Variants in CDK17 observed in about 807,000 individuals in gnomAD.
CDK17 encodes cyclin-dependent kinase 17.
Under a neutral mutation model 77.6 loss-of-function variants are expected in CDK17, and 24 were observed. The observed-to-expected ratio is 0.31, with a 90% CI of 0.22 to 0.44. The LOEUF is 0.44. Ranked by LOEUF, CDK17 falls within the 20% of genes least tolerant of loss-of-function variation. The pLI, the probability that CDK17 is intolerant of heterozygous loss-of-function variation, is 1.00. For missense variants in CDK17, 429 were observed against 622.5 expected (o/e 0.69, Z 3.31); for synonymous variants, 203 against 210.4 (o/e 0.96, Z 0.30).
chr12:96,280,432 A>G, intron 16 of CDK17, 153 bp from the exon 17 acceptor site: 4 of 1,436,786 alleles, frequency 2.8e-6, no homozygotes, highest in Non-Finnish European at 2.7e-6. Context: ...CCTTCTGTTG[A>G]CGGGGTCAGT....
At chr12:96,386,431 T>C (rs902453514) in intron 1 of CDK17, among the ~76,000 whole-genome samples, 1 of 152,136 alleles carries the variant, frequency 6.6e-6, no homozygotes, top group African/African-American at 2.4e-5. Flanking sequence ...GGAGGATCAC[T>C]TGAGCCCAGA....
intron 1 of CDK17, among the ~76,000 whole-genome samples, chr12:96,356,359 G>A (rs4762297): frequency 0.22 from 32,849 of 152,152 alleles, 4,439 homozygotes; most frequent in Middle Eastern, 0.32. Flanking sequence ...GCAGTAACGG[G>A]ATCATGGCTC....
chr12:96,394,369 G>A (rs1310653354), intron 1 of CDK17, among the ~76,000 whole-genome samples: 1 of 152,070 alleles, frequency 6.6e-6, no homozygotes, highest in East Asian at 1.9e-4. Flanking sequence ...GACTTGAGAA[G>A]GCCAAAGTTA....
intron 1 of CDK17, among the ~76,000 whole-genome samples, chr12:96,398,816 G>C (rs1954212231): frequency 6.6e-6 from 1 of 152,186 alleles, no homozygotes; most frequent in Non-Finnish European, 1.5e-5. Context: ...AGGACCTGAT[G>C]TCAATTTGAC....
chr12:96,280,232 G>A lies in CDK17; in HGVS notation c.*10C>T, dbSNP rs1285661639. Reference sequence around the variant, plus strand: ...GGCTGGGGGCTGGGCTTGAAACCATGTTATCAGACTTAAAAGAGCATGCTC... The same window carrying A: ...GGCTGGGGGCTGGGCTTGAAACCATATTATCAGACTTAAAAGAGCATGCTC... On this transcript the variant is annotated 3_prime_UTR_variant, in exon 17 of 17. Transcript: ENST00000261211. The A allele has an allele frequency of 1.3e-6, 2 of 1,550,374 alleles. No individual in the cohort carries two copies. The highest frequency in any genetic ancestry group is 1.4e-5 in the African/African-American group (1 of 73,062).
chr12:96,379,388 A>G (rs1565843424), intron 1 of CDK17, among the ~76,000 whole-genome samples: 1 of 152,194 alleles, frequency 6.6e-6, no homozygotes, highest in Admixed American at 6.5e-5. Flanking sequence ...TGATATTTAT[A>G]GTTAAACAAA....
rs570082974 is a variant in CDK17 at position 96,342,336 on chromosome 12, C to G, written c.-29-7471G>C. The stretch of plus-strand genomic sequence containing the variant: ...GCTAATCATACAGAATGAGGAATAA[C>G]CAGTGTTTAAAACTTAAACTTTTTT... On this transcript the variant is annotated intron_variant, in intron 1 of 16. Coordinates refer to ENST00000261211, the MANE Select transcript of CDK17 (RefSeq NM_002595.5). Among the ~76,000 whole-genome samples the G allele has an allele frequency of 4.6e-5, 7 of 152,330 alleles. No homozygotes were observed. The South Asian group carries it at 1.4e-3, about 32-fold the overall frequency.
chr12:96,336,606 T>A (rs1385843523), intron 1 of CDK17, among the ~76,000 whole-genome samples: 1 of 152,236 alleles, frequency 6.6e-6, no homozygotes, highest in Admixed American at 6.5e-5. Flanking sequence ...ATAAGAGACA[T>A]ACTTTGGTGA....
At chr12:96,390,082 C>G (rs1001931539) in intron 1 of CDK17, among the ~76,000 whole-genome samples, 1 of 151,918 alleles carries the variant, frequency 6.6e-6, no homozygotes, top group Non-Finnish European at 1.5e-5. Flanking sequence ...CCTGCCTCAG[C>G]CTCCCAAAGT....
chr12:96,324,346 A>G (rs908281243), intron 2 of CDK17, among the ~76,000 whole-genome samples: 8 of 152,362 alleles, frequency 5.3e-5, no homozygotes, highest in African/African-American at 1.9e-4. Flanking sequence ...TTATATAATC[A>G]AAAGTGGCTA....
At chr12:96,381,590 T>A (rs1372870289) in intron 1 of CDK17, among the ~76,000 whole-genome samples, 1 of 152,086 alleles carries the variant, frequency 6.6e-6, no homozygotes, top group African/African-American at 2.4e-5. Flanking sequence ...TCCATAGATC[T>A]ACATTTTTTT....
intron 3 of CDK17, 111 bp downstream of exon 3, chr12:96,323,833 CTTGA>C (rs1440222755): frequency 1.4e-6 from 1 of 709,096 alleles, no homozygotes. Flanking sequence ...TTGATCTCAA[CTTGA>C]TTTTTATCTG....
At chr12:96,354,776 C>G (rs1953369059) in intron 1 of CDK17, among the ~76,000 whole-genome samples, 1 of 152,060 alleles carries the variant, frequency 6.6e-6, no homozygotes, top group Admixed American at 6.6e-5. Context: ...TCCAGCTACT[C>G]AGGAGGCTGA....
At chr12:96,394,580 C>T (rs1214284249) in intron 1 of CDK17, among the ~76,000 whole-genome samples, 3 of 151,756 alleles carry the variant, frequency 2.0e-5, no homozygotes, top group African/African-American at 7.3e-5. Context: ...TTTGGGAGAC[C>T]GAGGTGCACA....
chr12:96,382,431 C>T lies in CDK17; in HGVS notation c.-30+17555G>A, dbSNP rs991323281. 4.0e-5 allele frequency among the ~76,000 whole-genome samples: 6 copies of T among 150,640 alleles called. 1 individual carries two copies. Among genetic ancestry groups the T allele is most frequent in the African/African-American group, 1.5e-4 (6 of 40,988 alleles). On this transcript the variant is annotated intron_variant, in intron 1 of 16. Transcript: ENST00000261211. ...GGATTCACAGCCGAATTCTACCAAA[C>T]GTATAAAGAAAAATTGGTACCAATC...
intron 15 of CDK17, among the ~76,000 whole-genome samples, chr12:96,281,558 G>A (rs1237860958): frequency 2.0e-5 from 3 of 152,168 alleles, no homozygotes; most frequent in Admixed American, 6.5e-5. Flanking sequence ...TAGTAGAGAC[G>A]GGGTTTCCCC....
intron 1 of CDK17, among the ~76,000 whole-genome samples, chr12:96,374,603 A>G (rs148221752): frequency 2.0e-5 from 3 of 152,184 alleles, no homozygotes; most frequent in African/African-American, 7.2e-5. Flanking sequence ...GCAAATTCTT[A>G]TACTTCCTTT....
intron 13 of CDK17, among the ~76,000 whole-genome samples, chr12:96,284,050 G>C (rs1394713612): frequency 6.6e-6 from 1 of 152,172 alleles, no homozygotes; most frequent in Middle Eastern, 3.2e-3. Flanking sequence ...ACCCCAAAAT[G>C]TATCACTGTT....
intron 1 of CDK17, among the ~76,000 whole-genome samples, chr12:96,368,336 C>G (rs1163057297): frequency 6.6e-6 from 1 of 152,200 alleles, no homozygotes; most frequent in Non-Finnish European, 1.5e-5. Context: ...CTCTTGTTCC[C>G]TCTTTCAAAG....
Sources: gnomAD v4.1 joint callset for allele counts (sites outside exome capture counted in the v4.1 genomes callset) on GRCh38, gnomAD v4.1.1 for gene constraint, MANE v1.5 for transcripts, NCBI Gene and HGNC (gene_info 2026-07-23, HGNC 2026-07-21) for gene names.